CSMD1: variants seen among roughly 807,000 people sequenced by gnomAD.
CSMD1 encodes CUB and sushi domain-containing protein 1.
A neutral mutation model predicts 417.5 loss-of-function variants in CSMD1; 213 were observed. The ratio of observed to expected loss-of-function variants is 0.51; its 90% CI spans 0.46 to 0.57. CSMD1 has a LOEUF of 0.57. Among genes scored for constraint, CSMD1 ranks in the 20% least tolerant of loss-of-function variants. The pLI, the probability that CSMD1 is intolerant of heterozygous loss-of-function variation, is 0.00. For missense variants in CSMD1, 6,923 were observed against 4,529.7 expected (o/e 1.53, Z -15.17); for synonymous variants, 2,862 against 1,736.8 (o/e 1.65, Z -16.11).
At chr8:4,615,902 T>C (rs1275849271) in intron 2 of CSMD1, among the ~76,000 whole-genome samples, 1 of 152,190 alleles carries the variant, frequency 6.6e-6, no homozygotes, top group Non-Finnish European at 1.5e-5. Context: ...TCATAGCCCA[T>C]AACTATTTGT....
chr8:4,417,475 G>A lies in CSMD1; in HGVS notation c.415+2478C>T, dbSNP rs906572329. 2.0e-5 allele frequency among the ~76,000 whole-genome samples: 3 copies of A among 151,922 alleles called. No homozygotes were observed. In the East Asian group the frequency reaches 5.8e-4, roughly 29 times the overall value. On this transcript the variant is annotated intron_variant, in intron 3 of 69. Coordinates refer to ENST00000635120, the MANE Select transcript of CSMD1 (RefSeq NM_033225.6). ...CAATACATTTCAATTAAAATTTTAT[G>A]CAGCAGTCTGTTAATACTACCACAA...
intron 2 of CSMD1, among the ~76,000 whole-genome samples, chr8:4,491,114 G>A (rs1438297180): frequency 6.6e-6 from 1 of 152,004 alleles, no homozygotes; most frequent in African/African-American, 2.4e-5. Flanking sequence ...CTTAATATGC[G>A]GGCAATGAAA....
chr8:3,397,291 C>G (rs1203607952), intron 16 of CSMD1, among the ~76,000 whole-genome samples: 3 of 152,148 alleles, frequency 2.0e-5, no homozygotes, highest in African/African-American at 7.2e-5. Context: ...TAGCTCTGTG[C>G]TGGATGTTGC....
At chr8:4,805,742 G>T (rs1798551001) in intron 1 of CSMD1, among the ~76,000 whole-genome samples, 1 of 152,090 alleles carries the variant, frequency 6.6e-6, no homozygotes, top group South Asian at 2.1e-4. Flanking sequence ...TCAAATTCCA[G>T]ACCCTGTCAT....
chr8:3,893,933 G>A (rs887477491), intron 5 of CSMD1, among the ~76,000 whole-genome samples: 4 of 151,774 alleles, frequency 2.6e-5, no homozygotes, highest in African/African-American at 9.7e-5. Context: ...TACAGTTACC[G>A]CACGTGTGCA....
intron 10 of CSMD1, among the ~76,000 whole-genome samples, chr8:3,500,144 A>C (rs1796537420): frequency 6.6e-6 from 1 of 152,014 alleles, no homozygotes; most frequent in African/African-American, 2.4e-5. Flanking sequence ...GTTCATCTTT[A>C]TGCTGCCATC....
At chr8:4,219,588 T>A (rs958162556) in intron 3 of CSMD1, among the ~76,000 whole-genome samples, 1 of 152,184 alleles carries the variant, frequency 6.6e-6, no homozygotes, top group African/African-American at 2.4e-5. Context: ...TGGTCTCAAT[T>A]TCTACGGTTG....
chr8:3,953,307 T>G (rs375020704), intron 5 of CSMD1, among the ~76,000 whole-genome samples: 1 of 152,168 alleles, frequency 6.6e-6, no homozygotes, highest in South Asian at 2.1e-4. Context: ...TCTCATAAAA[T>G]AAAAGATTAT....
chr8:4,920,098 G>A (rs755308966), intron 1 of CSMD1, among the ~76,000 whole-genome samples: 7 of 152,098 alleles, frequency 4.6e-5, no homozygotes, highest in Admixed American at 6.5e-5. Context: ...AGAAGACAAT[G>A]TTGAGATCAA....
At chr8:3,876,250 A>G (rs1357190460) in intron 5 of CSMD1, among the ~76,000 whole-genome samples, 1 of 152,204 alleles carries the variant, frequency 6.6e-6, no homozygotes, top group East Asian at 1.9e-4. Context: ...GTTTAAAATC[A>G]AATGCATTCA....
intron 41 of CSMD1, among the ~76,000 whole-genome samples, chr8:3,124,733 C>T (rs1817401240): frequency 6.6e-6 from 1 of 152,166 alleles, no homozygotes; most frequent in Non-Finnish European, 1.5e-5. Context: ...TTCATTAGAA[C>T]ACATTTTATA....
intron 22 of CSMD1, among the ~76,000 whole-genome samples, chr8:3,346,432 C>T (rs1807999633): frequency 2.0e-5 from 3 of 152,194 alleles, no homozygotes; most frequent in East Asian, 1.9e-4. Flanking sequence ...TGCGATGTAA[C>T]TATTTCTTTT....
chr8:3,128,870 G>C, intron 41 of CSMD1: 1 of 454,998 alleles, frequency 2.2e-6, no homozygotes, highest in South Asian at 1.6e-5. Context: ...GTCAAGACAT[G>C]GGAAAGCAGG....
chr8:3,980,936 C>T (rs1264592746), intron 5 of CSMD1, among the ~76,000 whole-genome samples: 1 of 152,144 alleles, frequency 6.6e-6, no homozygotes, highest in East Asian at 1.9e-4. Context: ...CCCGCCGTTC[C>T]CAGTGGTTTT....
chr8:3,968,469 T>A (rs1812843554), intron 5 of CSMD1, among the ~76,000 whole-genome samples: 1 of 152,174 alleles, frequency 6.6e-6, no homozygotes, highest in African/African-American at 2.4e-5. Flanking sequence ...TTTAAGAATC[T>A]TTTTAGTTAA....
chr8:4,990,889 A>G (rs537292987), intron 1 of CSMD1, among the ~76,000 whole-genome samples: 16 of 152,150 alleles, frequency 1.1e-4, no homozygotes, highest in Non-Finnish European at 1.9e-4. Flanking sequence ...CGGTGGAGTT[A>G]CAGGGTTTCT....
intron 1 of CSMD1, among the ~76,000 whole-genome samples, chr8:4,929,711 G>C (rs1190910495): frequency 6.6e-6 from 1 of 151,834 alleles, no homozygotes; most frequent in Non-Finnish European, 1.5e-5. Flanking sequence ...ATTTTTTCTG[G>C]AGCCCGCACT....
At chr8:4,589,379 G>A (rs576425599) in intron 2 of CSMD1, among the ~76,000 whole-genome samples, 1 of 151,970 alleles carries the variant, frequency 6.6e-6, no homozygotes, top group African/African-American at 2.4e-5. Flanking sequence ...CTCTTCTCAG[G>A]GACTCTGAAC....
chr8:3,838,107 A>C (rs1356892381), intron 5 of CSMD1, among the ~76,000 whole-genome samples: 1 of 152,120 alleles, frequency 6.6e-6, no homozygotes, highest in South Asian at 2.1e-4. Context: ...TGGAATTTCT[A>C]ACTTGGGATT....
Sources: allele counts gnomAD v4.1 joint callset (sites outside exome capture counted in the v4.1 genomes callset), GRCh38; gene constraint gnomAD v4.1.1; transcripts MANE v1.5; gene names NCBI Gene and HGNC (gene_info 2026-07-23, HGNC 2026-07-21).